Variants in XPO7 observed in about 807,000 individuals in gnomAD.
The protein encoded by XPO7 is exportin-7.
In XPO7, 21 loss-of-function variants were observed where a neutral mutation model predicts 144.3. That is an observed-to-expected ratio of 0.15 (90% CI 0.10 to 0.21). XPO7 has a LOEUF of 0.21. Ranked by LOEUF, XPO7 falls within the 10% of genes least tolerant of loss-of-function variation. The probability of loss-of-function intolerance (pLI) is 1.00; values close to 1 mark genes in which losing one functional copy is unlikely to be tolerated. For missense variants in XPO7, 808 were observed against 1,325.8 expected, an observed-to-expected ratio of 0.61 and a Z score of 6.06; for synonymous variants, 580 against 499.6, an observed-to-expected ratio of 1.16 and a Z score of -2.15.
At chr8:21,983,385 C>A (rs1233018237) in intron 11 of XPO7, among the ~76,000 whole-genome samples, 5 of 152,178 alleles carry the variant, frequency 3.3e-5, no homozygotes, top group African/African-American at 1.2e-4. Context: ...GAAGTTATAG[C>A]CCTGTTTAGG....
At chr8:21,985,730 T>C in intron 13 of XPO7, 39 bp downstream of exon 13, 2 of 1,582,428 alleles carry the variant, frequency 1.3e-6, no homozygotes, top group Non-Finnish European at 1.7e-6. Context: ...TCTGCCTTGC[T>C]GGCACTTCTC....
intron 1 of XPO7, among the ~76,000 whole-genome samples, chr8:21,943,935 CTAA>C (rs1439098504): frequency 6.6e-6 from 1 of 152,016 alleles, no homozygotes; most frequent in African/African-American, 2.4e-5. Flanking sequence ...TTAAGACAAG[CTAA>C]TAATGTTTGG....
chr8:21,976,545 A>G (rs1278077370), intron 7 of XPO7, 24 bp downstream of exon 7: 2 of 1,600,666 alleles, frequency 1.2e-6, no homozygotes, highest in African/African-American at 1.3e-5. Flanking sequence ...CTCCACCTCA[A>G]AGGCTGTCTG....
At chr8:21,937,433 T>C (rs752591977) in intron 1 of XPO7, among the ~76,000 whole-genome samples, 4 of 152,210 alleles carry the variant, frequency 2.6e-5, no homozygotes, top group Admixed American at 6.5e-5. Context: ...ATTGATGTTT[T>C]GCTGGCAGAC....
chr8:21,982,926 T>G, intron 11 of XPO7, 114 bp downstream of exon 11: 1 of 1,283,374 alleles, frequency 7.8e-7, no homozygotes, highest in African/African-American at 1.5e-5. Flanking sequence ...TTGGAGCCAC[T>G]ACTGTTCATG....
Position 21,970,256 on chromosome 8 carries a change from G to A in XPO7, c.372G>A (p.Gln124=). The A allele has an allele frequency of 6.2e-7, 1 of 1,613,814 alleles. No individual in the cohort carries two copies. The highest frequency in any genetic ancestry group is 8.5e-7 in the Non-Finnish European group (1 of 1,179,828). ...RITKLGWFDC[Q]KDDYVFRNAI... ...CAAAACTGGGCTGGTTTGACTGTCA[G>A]AAGGATGACTATGTCTTCAGAAATG... is the stretch of plus-strand genomic sequence containing the variant. Residue 124 remains glutamine (Q), a synonymous_variant, in exon 4 of 28, where the codon CAG becomes CAA. Transcript: ENST00000252512.
intron 1 of XPO7, among the ~76,000 whole-genome samples, chr8:21,947,688 AATC>A (rs1364836846): frequency 1.3e-5 from 2 of 152,246 alleles, no homozygotes; most frequent in African/African-American, 2.4e-5. Flanking sequence ...GCAAAGCACT[AATC>A]ATAAAGGAAA....
chr8:21,920,128 C>T (rs1446898520), intron 1 of XPO7, among the ~76,000 whole-genome samples: 1 of 151,442 alleles, frequency 6.6e-6, no homozygotes, highest in Non-Finnish European at 1.5e-5. Context: ...CCCCGCCCGC[C>T]CCCCGGTGAA....
intron 3 of XPO7, 175 bp from the exon 4 acceptor site, chr8:21,969,969 A>G: frequency 2.8e-6 from 2 of 722,240 alleles, no homozygotes; most frequent in Non-Finnish European, 2.2e-6. Context: ...AACACCTACT[A>G]ATCTTAAATT....
At chr8:21,966,411 A>G in intron 1 of XPO7, 2 of 704,674 alleles carry the variant, frequency 2.8e-6, no homozygotes, top group South Asian at 3.1e-5. Context: ...CTACTACTCA[A>G]AGGAATATTT....
intron 20 of XPO7, 44 bp from the exon 21 acceptor site, chr8:21,995,448 A>G: frequency 6.6e-7 from 1 of 1,523,660 alleles, no homozygotes; most frequent in Middle Eastern, 1.8e-4. Flanking sequence ...TAAATTCTGT[A>G]CCTTTCTGGA....
At chr8:21,944,499 G>A (rs912947340) in intron 1 of XPO7, among the ~76,000 whole-genome samples, 7 of 152,098 alleles carry the variant, frequency 4.6e-5, no homozygotes, top group African/African-American at 1.2e-4. Context: ...CCCAGGAGGC[G>A]GAGGCTGCAG....
At chr8:21,945,311 T>C (rs1200442405) in intron 1 of XPO7, among the ~76,000 whole-genome samples, 1 of 152,148 alleles carries the variant, frequency 6.6e-6, no homozygotes, top group East Asian at 1.9e-4. Context: ...GAAACTCATA[T>C]AAAAAACTGC....
At chr8:21,978,156 T>G (rs561753708) in intron 8 of XPO7, among the ~76,000 whole-genome samples, 47 of 152,320 alleles carry the variant, frequency 3.1e-4, no homozygotes, top group Non-Finnish European at 5.4e-4. Flanking sequence ...CACCTAATAC[T>G]GTCTAGTTGA....
intron 6 of XPO7, among the ~76,000 whole-genome samples, chr8:21,975,439 T>C (rs1283597015): frequency 1.3e-5 from 2 of 152,230 alleles, no homozygotes; most frequent in Non-Finnish European, 2.9e-5. Context: ...TCCACACAGT[T>C]GTAACACAGC....
At chr8:21,949,608 T>C (rs1811304068) in intron 1 of XPO7, among the ~76,000 whole-genome samples, 1 of 152,208 alleles carries the variant, frequency 6.6e-6, no homozygotes, top group Admixed American at 6.5e-5. Context: ...TTACCTATAG[T>C]GTTAAAGGCC....
At chr8:21,959,794 A>G (rs1294433297) in intron 1 of XPO7, among the ~76,000 whole-genome samples, 1 of 152,214 alleles carries the variant, frequency 6.6e-6, no homozygotes, top group South Asian at 2.1e-4. Context: ...TTTAAAAATC[A>G]TGTAACAAAA....
chr8:21,987,324 G>T (rs1327926236), intron 14 of XPO7, 48 bp downstream of exon 14: 1 of 1,610,090 alleles, frequency 6.2e-7, no homozygotes, highest in South Asian at 1.1e-5. Flanking sequence ...TCTCACTTGT[G>T]GGATTGCTGA....
At chr8:21,962,479 G>A (rs983361898) in intron 1 of XPO7, among the ~76,000 whole-genome samples, 3 of 152,176 alleles carry the variant, frequency 2.0e-5, no homozygotes, top group Admixed American at 1.3e-4. Context: ...ATTGGTAACA[G>A]AATCAGCCGT....
Sources: gnomAD v4.1 joint callset for allele counts (sites outside exome capture counted in the v4.1 genomes callset) on GRCh38, gnomAD v4.1.1 for gene constraint, MANE v1.5 for transcripts, NCBI Gene and HGNC (gene_info 2026-07-23, HGNC 2026-07-21) for gene names.